Variants in C1orf105 observed in about 807,000 individuals in gnomAD.
C1orf105 encodes the protein uncharacterized protein C1orf105.
Under a neutral mutation model 20.8 loss-of-function variants are expected in C1orf105, and 17 were observed. That is an observed-to-expected ratio of 0.82 (90% CI 0.56 to 1.23). C1orf105 has a LOEUF of 1.23. C1orf105 is among the 50% of genes most tolerant of loss of function. The pLI is 0.00. For missense variants in C1orf105, 219 were observed against 213.5 expected, an observed-to-expected ratio of 1.03 and a Z score of -0.16; for synonymous variants, 72 against 72.1, an observed-to-expected ratio of 1.00 and a Z score of 0.01.
At chr1:172,452,940 G>A (rs1296928935) in intron 3 of C1orf105, 1 of 1,534,106 alleles carries the variant, frequency 6.5e-7, no homozygotes, top group African/African-American at 1.4e-5. Flanking sequence ...CTGGTCGTAA[G>A]GAAACCGAGT....
At chr1:172,423,546 G>C (rs1223342627) in intron 1 of C1orf105, among the ~76,000 whole-genome samples, 1 of 151,798 alleles carries the variant, frequency 6.6e-6, no homozygotes. Flanking sequence ...AACAAGCCCA[G>C]ACCAGACACT....
At chr1:172,453,002 G>A in intron 3 of C1orf105, 3 of 1,549,884 alleles carry the variant, frequency 1.9e-6, no homozygotes, top group Non-Finnish European at 2.6e-6. Context: ...TTTCAGGGCT[G>A]GGAAAGAAAG....
Position 172,443,498 on chromosome 1 carries a change from A to G in C1orf105, c.22-1575A>G, listed in dbSNP as rs539581252. 4.2e-5 allele frequency: 7 copies of G among 167,268 alleles called. No homozygotes were observed. In the East Asian group the frequency reaches 1.3e-3, roughly 32 times the overall value. The allele number at this position is 167,268 out of a possible 1,614,324, so 10.4% of individuals were successfully genotyped here. A position where few individuals can be genotyped will look rare whatever the true frequency, so the allele number is the denominator to read the frequency against. ...CCATTAGCTGAGCTTAGCATCCTTT[A>G]AAGAGCTATCAATCTACTCAAAACA... On this transcript the variant is annotated intron_variant, in intron 1 of 6. Transcript: ENST00000367727.
At chr1:172,450,761 G>A (rs61806104) in intron 3 of C1orf105, among the ~76,000 whole-genome samples, 9,453 of 152,256 alleles carry the variant, frequency 0.062, 442 homozygotes, top group Non-Finnish European at 0.09. Context: ...CGTGTGCCTG[G>A]AGCAGTATTT....
At chr1:172,454,772 T>A (rs1041548524) in intron 3 of C1orf105, among the ~76,000 whole-genome samples, 1 of 152,156 alleles carries the variant, frequency 6.6e-6, no homozygotes, top group African/African-American at 2.4e-5. Context: ...ATGACCCCTT[T>A]CAGCTTCACT....
Position 172,456,493 on chromosome 1 carries a change from G to A in C1orf105, c.273+4G>A, listed in dbSNP as rs372457423. 687 of 1,612,632 alleles carry A rather than the reference G, an allele frequency of 4.3e-4. No individual in the cohort carries two copies. The highest frequency in any genetic ancestry group is 5.9e-4 in the African/African-American group (44 of 74,908). On this transcript the variant is annotated splice_donor_region_variant and intron_variant, in intron 4 of 6. Transcript: ENST00000367727. ...CACATGTCAAGAAATGAAAATGGTA[G>A]GCAAGGGGGAAGACAGAAATGGGCA...
intron 4 of C1orf105, among the ~76,000 whole-genome samples, chr1:172,457,049 G>T (rs1410626783): frequency 6.6e-6 from 1 of 152,176 alleles, no homozygotes; most frequent in African/African-American, 2.4e-5. Flanking sequence ...AAGAAGGAAA[G>T]CAAGGGAGAT....
chr1:172,466,311 A>C (rs4244193), intron 6 of C1orf105, among the ~76,000 whole-genome samples: 119,222 of 151,958 alleles, frequency 0.78, 47,042 homozygotes, highest in East Asian at 1. Context: ...TCTTATGTAT[A>C]CCAAAATATT....
intron 1 of C1orf105, chr1:172,443,615 T>C (rs1488401700): frequency 6.0e-6 from 1 of 166,942 alleles, no homozygotes; most frequent in Non-Finnish European, 1.5e-5. Context: ...TCCGGCAAAT[T>C]TGAGAAAAAA....
chr1:172,443,171 C>G (rs1054885871), intron 1 of C1orf105: 2 of 168,198 alleles, frequency 1.2e-5, no homozygotes, highest in African/African-American at 4.8e-5. Context: ...GGTAACAGAG[C>G]AGAGCCAGGA....
chr1:172,425,227 C>G (rs1356836053), intron 1 of C1orf105, among the ~76,000 whole-genome samples: 2 of 152,154 alleles, frequency 1.3e-5, no homozygotes, highest in African/African-American at 4.8e-5. Flanking sequence ...CCCAGCATTA[C>G]CTGATGGGCA....
At chr1:172,451,867 CTTTTTTTTTTTT>C (rs11462736) in intron 3 of C1orf105, among the ~76,000 whole-genome samples, 1 of 85,190 alleles carries the variant, frequency 1.2e-5, no homozygotes, top group African/African-American at 4.8e-5. Context: ...TATATGGATT[CTTTTTTTTTTTT>C]TTTTTTTTTT....
rs1273924438 is a variant in C1orf105 at position 172,430,338 on chromosome 1, G to A, written c.21+9432G>A. On this transcript the variant is annotated intron_variant, in intron 1 of 6. Coordinates refer to ENST00000367727, the MANE Select transcript of C1orf105 (RefSeq NM_139240.4). ...GCCCACAAAGAGGCATGCCACAGGTGAGCCTCATCATCCTTCTGATGGCAG... is the reference window on the plus strand; with the variant it reads ...GCCCACAAAGAGGCATGCCACAGGTAAGCCTCATCATCCTTCTGATGGCAG... 1.0e-5 allele frequency: 7 copies of A among 701,112 alleles called. No homozygotes were observed. The African/African-American group carries it at 1.0e-4, about 11-fold the overall frequency. The allele number at this position is 701,112 out of a possible 1,614,324, so 43.4% of individuals were successfully genotyped here.
intron 1 of C1orf105, chr1:172,441,849 C>G: frequency 1.2e-6 from 2 of 1,614,146 alleles, no homozygotes; most frequent in Non-Finnish European, 1.7e-6. Context: ...AGATAGACAT[C>G]AGCAGAAGGG....
intron 4 of C1orf105, 61 bp from the exon 5 acceptor site, chr1:172,462,117 T>C (rs974952874): frequency 2.5e-6 from 3 of 1,213,096 alleles, no homozygotes; most frequent in Non-Finnish European, 3.6e-6. Flanking sequence ...AAGTGGTACA[T>C]TATTTATTTA....
At chr1:172,424,459 C>T (rs943267961) in intron 1 of C1orf105, among the ~76,000 whole-genome samples, 2 of 152,168 alleles carry the variant, frequency 1.3e-5, no homozygotes, top group African/African-American at 4.8e-5. Context: ...GGCACGATCC[C>T]GGCTCACTGC....
chr1:172,457,457 C>T (rs1442912470), intron 4 of C1orf105, among the ~76,000 whole-genome samples: 1 of 152,200 alleles, frequency 6.6e-6, no homozygotes, highest in African/African-American at 2.4e-5. Context: ...GAGAGTGGCA[C>T]TTTTGTGAAA....
chr1:172,433,288 A>G (rs191782544), intron 1 of C1orf105, among the ~76,000 whole-genome samples: 1 of 152,324 alleles, frequency 6.6e-6, no homozygotes, highest in Non-Finnish European at 1.5e-5. Flanking sequence ...AGCAACCCCA[A>G]GACACATAAC....
At chr1:172,441,741 C>A (rs186506600) in intron 1 of C1orf105, 2 of 1,548,188 alleles carry the variant, frequency 1.3e-6, no homozygotes, top group South Asian at 1.3e-5. Context: ...AACTGAGGAA[C>A]CTGGACAAGT....
Sources: allele counts gnomAD v4.1 joint callset (sites outside exome capture counted in the v4.1 genomes callset), GRCh38; gene constraint gnomAD v4.1.1; transcripts MANE v1.5; gene names NCBI Gene and HGNC (gene_info 2026-07-23, HGNC 2026-07-21).